EYS: variants seen among roughly 807,000 people sequenced by gnomAD.
EYS encodes EGF-like photoreceptor maintenance factor.
EYS carries 250 observed loss-of-function variants against 282.1 expected under a neutral mutation model. The ratio of observed to expected loss-of-function variants is 0.89; its 90% CI spans 0.80 to 0.98. The LOEUF (loss-of-function observed/expected upper bound fraction) is 0.98, where lower values mean the gene tolerates loss of function less well. Among genes scored for constraint, EYS ranks in the 50% least tolerant of loss-of-function variants. The pLI is 0.00. For missense variants in EYS, 4,016 were observed against 3,709.0 expected (o/e 1.08, Z -2.15); for synonymous variants, 1,355 against 1,282.9 (o/e 1.06, Z -1.20).
At chr6:65,475,812 T>A (rs1470693033) in intron 5 of EYS, among the ~76,000 whole-genome samples, 1 of 149,482 alleles carries the variant, frequency 6.7e-6, no homozygotes, top group Non-Finnish European at 1.5e-5. Flanking sequence ...AAGAGAGACA[T>A]TAGCACTTTT....
chr6:65,269,083 C>A (rs1342725262), intron 12 of EYS, among the ~76,000 whole-genome samples: 1 of 152,018 alleles, frequency 6.6e-6, no homozygotes, highest in Non-Finnish European at 1.5e-5. Context: ...ATCATTTTTT[C>A]TTGACTCTAG....
chr6:64,687,203 A>G (rs1393116651), intron 22 of EYS, among the ~76,000 whole-genome samples: 1 of 151,918 alleles, frequency 6.6e-6, no homozygotes, highest in African/African-American at 2.4e-5. Flanking sequence ...GGCCAAAGTA[A>G]CTCTGATACT....
intron 30 of EYS, among the ~76,000 whole-genome samples, chr6:64,260,964 G>A (rs996557069): frequency 2.0e-5 from 3 of 150,576 alleles, no homozygotes; most frequent in Admixed American, 6.7e-5. Flanking sequence ...TATACAATGC[G>A]TAATGATGAA....
chr6:63,914,271 G>A (rs1258045078), intron 35 of EYS, among the ~76,000 whole-genome samples: 1 of 152,152 alleles, frequency 6.6e-6, no homozygotes, highest in Admixed American at 6.5e-5. Context: ...TATAAAGCTA[G>A]AAATGATGAA....
chr6:64,704,493 A>T (rs1770910578), intron 22 of EYS, among the ~76,000 whole-genome samples: 1 of 12,608 alleles, frequency 7.9e-5, no homozygotes, highest in East Asian at 7.0e-4. Flanking sequence ...TATAATTATA[A>T]TATAATACTT....
At chr6:64,990,546 T>C (rs528066515) in intron 14 of EYS, among the ~76,000 whole-genome samples, 1 of 151,746 alleles carries the variant, frequency 6.6e-6, no homozygotes, top group East Asian at 1.9e-4. Context: ...TTGGCTAATA[T>C]TGGAAATGGA....
chr6:64,825,174 A>T (rs1765014219), intron 19 of EYS, among the ~76,000 whole-genome samples: 1 of 151,876 alleles, frequency 6.6e-6, no homozygotes, highest in South Asian at 2.1e-4. Context: ...AATATTTCAC[A>T]GTTTACATCT....
intron 26 of EYS, among the ~76,000 whole-genome samples, chr6:64,515,353 T>C (rs1777532947): frequency 6.6e-6 from 1 of 151,662 alleles, no homozygotes; most frequent in African/African-American, 2.4e-5. Flanking sequence ...AGGTTTTAAG[T>C]ATCATAATGA....
rs111772480 is a variant in EYS, at chr6:64,238,566, C to T, written c.6192-7742G>A. Among the ~76,000 whole-genome samples the T allele has an allele frequency of 7.8e-3, 1,187 of 152,154 alleles. 5 individuals are homozygous for T. The highest frequency in any genetic ancestry group is 0.012 in the Non-Finnish European group (841 of 67,992). On this transcript the variant is annotated intron_variant, in intron 30 of 42. Transcript: ENST00000503581. ...TCCCACTCTCCCCACTTCTGAGTCT[C>T]CAATGTCCATTATACCACTCTGTAT...
chr6:65,461,863 A>G (rs1368689621), intron 5 of EYS, among the ~76,000 whole-genome samples: 3 of 152,136 alleles, frequency 2.0e-5, no homozygotes, highest in Non-Finnish European at 2.9e-5. Context: ...CAGTATTGCC[A>G]TTCCAAAAAA....
chr6:65,436,594 G>A (rs113905634), intron 5 of EYS, among the ~76,000 whole-genome samples: 9 of 152,248 alleles, frequency 5.9e-5, no homozygotes, highest in African/African-American at 2.2e-4. Context: ...TTGTGACACA[G>A]CAGTATTCTG....
intron 28 of EYS, among the ~76,000 whole-genome samples, chr6:64,417,779 T>C (rs1774104342): frequency 6.6e-6 from 1 of 151,100 alleles, no homozygotes; most frequent in South Asian, 2.1e-4. Context: ...CAAGAGATTC[T>C]TCTGCCTCAG....
chr6:65,372,394 T>C (rs1309209614), intron 8 of EYS, among the ~76,000 whole-genome samples: 1 of 152,046 alleles, frequency 6.6e-6, no homozygotes, highest in Non-Finnish European at 1.5e-5. Context: ...TTACTGAAAC[T>C]CTAAGGAAAA....
At chr6:64,932,741 T>A (rs2150087988) in intron 15 of EYS, among the ~76,000 whole-genome samples, 1 of 152,062 alleles carries the variant, frequency 6.6e-6, no homozygotes, top group African/African-American at 2.4e-5. Flanking sequence ...CACAGAGTCC[T>A]TTAGTAAAGG....
chr6:64,944,843 T>C (rs1189560944), intron 15 of EYS, among the ~76,000 whole-genome samples: 4 of 152,122 alleles, frequency 2.6e-5, no homozygotes, highest in Non-Finnish European at 5.9e-5. Context: ...TGCCTTGTTA[T>C]TCTTTACTCC....
intron 19 of EYS, among the ~76,000 whole-genome samples, chr6:64,882,860 G>A (rs1158597353): frequency 6.6e-6 from 1 of 151,364 alleles, no homozygotes; most frequent in East Asian, 1.9e-4. Context: ...GTAGATTTGG[G>A]GAGTCTCCTC....
At chr6:65,049,304 T>C (rs1018592699) in intron 13 of EYS, among the ~76,000 whole-genome samples, 4 of 151,926 alleles carry the variant, frequency 2.6e-5, no homozygotes, top group East Asian at 1.9e-4. Context: ...AAACTGAATG[T>C]CTTTGAGGTC....
chr6:64,506,236 A>G (rs899926215), intron 26 of EYS, among the ~76,000 whole-genome samples: 5 of 152,172 alleles, frequency 3.3e-5, no homozygotes, highest in Admixed American at 6.6e-5. Context: ...TAGTCAGTAA[A>G]TTTACTGTAA....
At chr6:65,685,577 A>G (rs1768986965) in intron 1 of EYS, among the ~76,000 whole-genome samples, 1 of 152,064 alleles carries the variant, frequency 6.6e-6, no homozygotes, top group Non-Finnish European at 1.5e-5. Context: ...TTTATATCAC[A>G]TAGAGTTCAA....
Sources: gnomAD v4.1 joint callset for allele counts (sites outside exome capture counted in the v4.1 genomes callset) on GRCh38, gnomAD v4.1.1 for gene constraint, MANE v1.5 for transcripts, NCBI Gene and HGNC (gene_info 2026-07-23, HGNC 2026-07-21) for gene names.